Variants in ELP4 observed in about 807,000 individuals in gnomAD.
ELP4 encodes the protein elongator complex protein 4.
A neutral mutation model predicts 48.9 loss-of-function variants in ELP4; 51 were observed. The observed-to-expected ratio is 1.04, with a 90% CI of 0.83 to 1.32. ELP4 has a LOEUF of 1.32. ELP4 is among the 40% of genes most tolerant of loss of function. The pLI, the probability that ELP4 is intolerant of heterozygous loss-of-function variation, is 0.00. For synonymous variants in ELP4, 210 were observed against 189.2 expected (o/e 1.11, Z -0.90); for missense variants, 519 against 514.6 (o/e 1.01, Z -0.08).
chr11:31,626,354 A>G (rs1186189057), intron 5 of ELP4, among the ~76,000 whole-genome samples: 2 of 151,856 alleles, frequency 1.3e-5, no homozygotes, highest in African/African-American at 2.4e-5. Context: ...TGCTCATGAC[A>G]TTATCATGAC....
At chr11:31,704,278 C>G (rs889288881) in intron 9 of ELP4, among the ~76,000 whole-genome samples, 3 of 151,964 alleles carry the variant, frequency 2.0e-5, no homozygotes, top group African/African-American at 7.3e-5. Flanking sequence ...CACAAAACTC[C>G]TATCTTTATT....
intron 5 of ELP4, 30 bp from the exon 6 acceptor site, chr11:31,627,080 A>G: frequency 3.0e-6 from 4 of 1,337,294 alleles, no homozygotes; most frequent in Non-Finnish European, 3.2e-6. Flanking sequence ...TAACCCATTT[A>G]TGTATTTGAA....
intron 9 of ELP4, among the ~76,000 whole-genome samples, chr11:31,748,443 C>T (rs1351494658): frequency 1.3e-5 from 2 of 151,964 alleles, no homozygotes; most frequent in Non-Finnish European, 2.9e-5. Context: ...CGGGGTTTCA[C>T]CATGTTGACC....
chr11:31,566,358 C>CAA (rs61332262), intron 3 of ELP4, among the ~76,000 whole-genome samples: 1 of 135,894 alleles, frequency 7.4e-6, no homozygotes, highest in African/African-American at 2.7e-5. Context: ...ACTGCATCTC[C>CAA]AAAAAAAAAA....
intron 3 of ELP4, among the ~76,000 whole-genome samples, chr11:31,573,143 C>A (rs1010508505): frequency 6.6e-6 from 1 of 152,154 alleles, no homozygotes; most frequent in Non-Finnish European, 1.5e-5. Flanking sequence ...AGTAAATGTT[C>A]ACAGTTTTAT....
At chr11:31,600,126 A>T (rs1234796524) in intron 4 of ELP4, 1 of 152,198 alleles carries the variant, frequency 6.6e-6, no homozygotes, top group Non-Finnish European at 1.5e-5. Flanking sequence ...AAGAATATAT[A>T]TACCTAGATC....
intron 3 of ELP4, among the ~76,000 whole-genome samples, chr11:31,571,224 G>A (rs1423163474): frequency 2.6e-5 from 4 of 152,174 alleles, no homozygotes; most frequent in Admixed American, 2.6e-4. Flanking sequence ...TAAGTATATG[G>A]AATATTCTAA....
intron 1 of ELP4, among the ~76,000 whole-genome samples, chr11:31,518,175 C>T (rs898365323): frequency 8.0e-5 from 12 of 150,814 alleles, no homozygotes; most frequent in African/African-American, 1.5e-4. Context: ...GGTGCAATCT[C>T]GGCTCAGTGC....
At chr11:31,755,437 G>C (rs1947813151) in intron 9 of ELP4, among the ~76,000 whole-genome samples, 2 of 152,186 alleles carry the variant, frequency 1.3e-5, no homozygotes, top group South Asian at 4.1e-4. Flanking sequence ...TGACAAAATA[G>C]TCAAGGTAAA....
chr11:31,715,504 C>T (rs781085496), intron 9 of ELP4, among the ~76,000 whole-genome samples: 2 of 152,108 alleles, frequency 1.3e-5, no homozygotes, highest in East Asian at 1.9e-4. Flanking sequence ...TGTTACAGCA[C>T]GCTAAATTGT....
chr11:31,633,311 A>G (rs538682577), intron 7 of ELP4: 1 of 152,212 alleles, frequency 6.6e-6, no homozygotes, highest in African/African-American at 2.4e-5. Context: ...GAATTTAGCT[A>G]GATGCAGTGC....
intron 9 of ELP4, among the ~76,000 whole-genome samples, chr11:31,669,370 C>T (rs1209561653): frequency 3.3e-5 from 5 of 152,082 alleles, no homozygotes; most frequent in African/African-American, 9.7e-5. Context: ...CATGAGCCAC[C>T]GCGCCTGGCC....
intron 9 of ELP4, among the ~76,000 whole-genome samples, chr11:31,747,796 C>T (rs947746206): frequency 2.0e-5 from 3 of 152,186 alleles, no homozygotes; most frequent in African/African-American, 7.2e-5. Flanking sequence ...TTGTAGTGTG[C>T]TCTGTAGTGT....
intron 7 of ELP4, among the ~76,000 whole-genome samples, chr11:31,635,628 G>A (rs950727487): frequency 6.6e-6 from 1 of 151,928 alleles, no homozygotes; most frequent in Non-Finnish European, 1.5e-5. Flanking sequence ...AATTTTTTCA[G>A]CCTCAGCTTC....
chr11:31,514,819 T>G (rs1379891487), intron 1 of ELP4, among the ~76,000 whole-genome samples: 1 of 152,102 alleles, frequency 6.6e-6, no homozygotes, highest in Non-Finnish European at 1.5e-5. Context: ...TATTTATTTA[T>G]TTTTTGGTTG....
At chr11:31,754,668 C>T (rs1376730827) in intron 9 of ELP4, among the ~76,000 whole-genome samples, 10 of 152,020 alleles carry the variant, frequency 6.6e-5, no homozygotes, top group African/African-American at 2.2e-4. Context: ...GTCAGGAGTT[C>T]GAGACCAGCC....
At chr11:31,768,538 A>G (rs1948083301) in intron 9 of ELP4, among the ~76,000 whole-genome samples, 1 of 152,236 alleles carries the variant, frequency 6.6e-6, no homozygotes, top group African/African-American at 2.4e-5. Flanking sequence ...AGTCCTCAAT[A>G]TACATTGAAC....
chr11:31,559,356 G>A (rs1227546292), intron 3 of ELP4, among the ~76,000 whole-genome samples: 1 of 152,108 alleles, frequency 6.6e-6, no homozygotes, highest in African/African-American at 2.4e-5. Flanking sequence ...TGAAATCAGA[G>A]GCCTTTGAAA....
chr11:31,685,353 A>T (rs1267607851), intron 9 of ELP4, among the ~76,000 whole-genome samples: 1 of 152,032 alleles, frequency 6.6e-6, no homozygotes, highest in Non-Finnish European at 1.5e-5. Flanking sequence ...CCGTCTCAAA[A>T]CAACAACAAC....
Sources: gnomAD v4.1 joint callset for allele counts (sites outside exome capture counted in the v4.1 genomes callset) on GRCh38, gnomAD v4.1.1 for gene constraint, MANE v1.5 for transcripts, NCBI Gene and HGNC (gene_info 2026-07-23, HGNC 2026-07-21) for gene names.